The following CHAF1A variants were observed in gnomAD, a reference collection of about 807,000 sequenced individuals.
CHAF1A encodes the protein CAF-1 subunit A.
In CHAF1A, 5 loss-of-function variants were observed where a neutral mutation model predicts 93.2. The observed-to-expected ratio is 0.05, with a 90% CI of 0.03 to 0.11. The LOEUF (loss-of-function observed/expected upper bound fraction) is 0.11. Among genes scored for constraint, CHAF1A ranks in the 10% least tolerant of loss-of-function variants. The pLI, the probability that CHAF1A is intolerant of heterozygous loss-of-function variation, is 1.00. For missense variants in CHAF1A, 1,102 were observed against 1,259.9 expected (o/e 0.87, Z 1.90); for synonymous variants, 504 against 510.3 (o/e 0.99, Z 0.17).
Position 4,405,841 on chromosome 19 carries a change from C to T in CHAF1A, c.53-71C>T, listed in dbSNP as rs888564041. 3.0e-5 allele frequency: 42 copies of T among 1,385,452 alleles called. No homozygotes were observed. In the Admixed American group the frequency reaches 7.1e-4, roughly 23 times the overall value. 85.8% of individuals were successfully genotyped at this position (1,385,452 alleles called of 1,614,324 possible). ...GCCTCCACCTTGTACATAATTGGCT[C>T]TACATATGTATTTGCTAACTTGATT... On this transcript the variant is annotated intron_variant, in intron 1 of 14. Transcript: ENST00000301280.
chr19:4,424,057 A>G (rs1367803926), intron 7 of CHAF1A, among the ~76,000 whole-genome samples, 183 bp downstream of exon 7: 1 of 152,178 alleles, frequency 6.6e-6, no homozygotes, highest in Admixed American at 6.5e-5. Flanking sequence ...GCTTTGTCCC[A>G]AAGAGGTAAA....
At chr19:4,448,130 ACTGAGGCCCAAGGAGGCCCAGCCCTTTGC>A, downstream of CHAF1A, 1 of 610,284 alleles carries the variant, frequency 1.6e-6, no homozygotes, top group African/African-American at 1.8e-5. Flanking sequence ...ACACGGGTAA[ACTGAGGCCCAAGGAGGCCCAGCCCTTTGC>A]CTGAGGCCTC....
intron 7 of CHAF1A, among the ~76,000 whole-genome samples, chr19:4,425,311 C>T (rs1206419325): frequency 2.0e-5 from 3 of 152,158 alleles, no homozygotes; most frequent in South Asian, 2.1e-4. Context: ...AGAGCAGTGG[C>T]GCTATCTCTC....
intron 7 of CHAF1A, among the ~76,000 whole-genome samples, chr19:4,426,854 G>T (rs1230242582): frequency 6.6e-6 from 1 of 152,008 alleles, no homozygotes; most frequent in Admixed American, 6.6e-5. Flanking sequence ...ATTTGGGGAG[G>T]CCAAGGCGGG....
Position 4,443,022 on chromosome 19 carries a change from C to T in CHAF1A, c.2868C>T (p.Ser956=). 6.3e-7 allele frequency: 1 copy of T among 1,577,626 alleles called. No homozygotes were observed. Among genetic ancestry groups the T allele is most frequent in the South Asian group, 1.2e-5 (1 of 86,538 alleles). Residue 956 remains serine (S), a synonymous_variant, in exon 15 of 15, where the codon TCC becomes TCT. Transcript: ENST00000301280. ...ATLTASPLGA[S] Reference sequence around the variant, plus strand: ...TGACCGCGAGCCCACTGGGTGCATCCTGAGAGCAGGGGTGACGTATGTAGA... The same window carrying T: ...TGACCGCGAGCCCACTGGGTGCATCTTGAGAGCAGGGGTGACGTATGTAGA...
rs1175498425 is a variant in CHAF1A at position 4,402,656 on chromosome 19, G to A, written c.-107G>A. 3.1e-5 allele frequency: 22 copies of A among 703,666 alleles called. No homozygotes were observed. The highest frequency in any genetic ancestry group is 4.2e-5 in the Non-Finnish European group (22 of 525,804). 43.6% of individuals were successfully genotyped at this position (703,666 alleles called of 1,614,324 possible). A position where few individuals can be genotyped will look rare whatever the true frequency, so the allele number is the denominator to read the frequency against. On this transcript the variant is annotated 5_prime_UTR_variant, in exon 1 of 15. Transcript: ENST00000301280. ...GGTTCCCGCCAAATACGAGCGCGGC[G>A]GCCGCGGCGGCAGCAGCGGCGCGGG... is the stretch of plus-strand genomic sequence containing the variant.
At position 4,429,101 on chromosome 19, in the gene CHAF1A, C is replaced by G. The variant is rs542318607; in HGVS notation, c.1604+211C>G. On this transcript the variant is annotated intron_variant, in intron 8 of 14. Coordinates refer to ENST00000301280, the MANE Select transcript of CHAF1A (RefSeq NM_005483.3). ...CTTCCTCTCCCTGTCTTCCCAGCTC[C>G]TCGTGGAGGAATCTTATTTCCCTGC... The G allele has an allele frequency of 8.9e-4, 530 of 596,354 alleles. 2 individuals carry two copies. The highest frequency in any genetic ancestry group is 3.5e-3 in the Middle Eastern group (8 of 2,282). The allele number at this position is 596,354 out of a possible 1,614,324, so 36.9% of individuals were successfully genotyped here.
chr19:4,405,848 T>C (rs1260813450), intron 1 of CHAF1A, 64 bp from the exon 2 acceptor site: 2 of 1,442,578 alleles, frequency 1.4e-6, no homozygotes, highest in Non-Finnish European at 2.0e-6. Context: ...GCTCTACATA[T>C]GTATTTGCTA....
downstream of CHAF1A, chr19:4,448,240 A>G: frequency 7.6e-7 from 1 of 1,313,848 alleles, no homozygotes; most frequent in South Asian, 1.3e-5. Context: ...AGGGGGCCAG[A>G]GGGGGTGACA....
At chr19:4,438,624 T>C (rs999955787) in intron 13 of CHAF1A, among the ~76,000 whole-genome samples, 1 of 152,172 alleles carries the variant, frequency 6.6e-6, no homozygotes, top group Admixed American at 6.6e-5. Context: ...TTTAAAAATT[T>C]TAAAATACAA....
At chr19:4,424,352 CT>C (rs1568436269) in intron 7 of CHAF1A, among the ~76,000 whole-genome samples, 1 of 152,212 alleles carries the variant, frequency 6.6e-6, no homozygotes, top group Admixed American at 6.6e-5. Context: ...GTTAGGGGTC[CT>C]TCAGTGCCTT....
rs948821569 is a variant in CHAF1A, at chr19:4,422,130, C to T, written c.1018-436C>T. The stretch of plus-strand genomic sequence containing the variant: ...TTTCAAGCAATTCTTCTGCCTCAGC[C>T]TCCCCAGTAGCTGGGATTACAGGCG... On this transcript the variant is annotated intron_variant, in intron 4 of 14. Coordinates refer to ENST00000301280, the MANE Select transcript of CHAF1A (RefSeq NM_005483.3). This position sits in a 1 kb window ranked among gnomAD's most constrained non-coding sequence, Gnocchi z 4.6. 3.5e-4 allele frequency among the ~76,000 whole-genome samples: 53 copies of T among 152,248 alleles called. No homozygotes were observed. Among genetic ancestry groups the T allele is most frequent in the Admixed American group, 1.6e-3 (25 of 15,288 alleles).
chr19:4,411,840 G>A (rs569490604), intron 3 of CHAF1A, among the ~76,000 whole-genome samples: 9 of 151,490 alleles, frequency 5.9e-5, no homozygotes, highest in Non-Finnish European at 1.3e-4. Context: ...AGTAGAGACG[G>A]GTTTCACCAT....
Position 4,402,662 on chromosome 19 carries a change from GGCGGCA to G in CHAF1A, c.-98_-93del. 2.9e-6 allele frequency: 2 copies of G among 684,374 alleles called. No homozygotes were observed. The highest frequency in any genetic ancestry group is 4.0e-6 in the Non-Finnish European group (2 of 504,316). The allele number at this position is 684,374 out of a possible 1,614,324, so 42.4% of individuals were successfully genotyped here. ...CGCCAAATACGAGCGCGGCGGCCGC[GGCGGCA>G]GCAGCGGCGCGGGCGGGAGGGCGAA... is the stretch of plus-strand genomic sequence containing the variant. On this transcript the variant is annotated 5_prime_UTR_variant, in exon 1 of 15. Coordinates refer to ENST00000301280, the MANE Select transcript of CHAF1A (RefSeq NM_005483.3).
At position 4,422,814 on chromosome 19, in the gene CHAF1A, C is replaced by A; in HGVS notation, c.1247+19C>A. 1.2e-6 allele frequency: 2 copies of A among 1,607,148 alleles called. No individual in the cohort carries two copies. Among genetic ancestry groups the A allele is most frequent in the Non-Finnish European group, 1.7e-6 (2 of 1,175,758 alleles). ...CCCTGGAGTGAGTGTCCTTGGAGGC[C>A]ATGCTGGGCCCGCCACCCTGCTGCT... On this transcript the variant is annotated intron_variant, in intron 5 of 14. Coordinates refer to ENST00000301280, the MANE Select transcript of CHAF1A (RefSeq NM_005483.3). The surrounding 1 kb of genome is among the most constrained non-coding windows in gnomAD (Gnocchi z 4.6).
chr19:4,446,795 C>T (rs1974539896), downstream of CHAF1A: 7 of 1,613,754 alleles, frequency 4.3e-6, no homozygotes, highest in Non-Finnish European at 5.9e-6. Context: ...CCCGAGGCCC[C>T]TCGTCCCCAT....
downstream of CHAF1A, chr19:4,445,988 C>T (rs777012898): frequency 7.2e-6 from 11 of 1,537,396 alleles, no homozygotes; most frequent in South Asian, 1.3e-5. Flanking sequence ...GTGTCTGTGC[C>T]GGTCCCAGGA....
chr19:4,437,355 CCT>C (rs1392057552), intron 13 of CHAF1A, among the ~76,000 whole-genome samples: 1 of 152,006 alleles, frequency 6.6e-6, no homozygotes, highest in Non-Finnish European at 1.5e-5. Context: ...GCCCTGGCAT[CCT>C]CTGTTTTTTT....
intron 3 of CHAF1A, among the ~76,000 whole-genome samples, chr19:4,414,005 G>A (rs1174374179): frequency 2.6e-5 from 4 of 152,196 alleles, no homozygotes; most frequent in African/African-American, 9.7e-5. Context: ...TCATGTTGGT[G>A]CAGTTGTGTT....
Sources: allele counts gnomAD v4.1 joint callset (sites outside exome capture counted in the v4.1 genomes callset), GRCh38; gene constraint gnomAD v4.1.1; non-coding constraint Gnocchi (gnomAD v3.1); transcripts MANE v1.5; gene names NCBI Gene and HGNC (gene_info 2026-07-23, HGNC 2026-07-21).